The following UGT8 variants were observed in gnomAD, a reference collection of about 807,000 sequenced individuals.
UGT8 encodes 2-hydroxyacylsphingosine 1-beta-galactosyltransferase.
Under a neutral mutation model 40.5 loss-of-function variants are expected in UGT8, and 12 were observed. The ratio of observed to expected loss-of-function variants is 0.30; its 90% CI spans 0.19 to 0.48. UGT8 has a LOEUF of 0.48. Among genes scored for constraint, UGT8 ranks in the 20% least tolerant of loss-of-function variants. UGT8 has a pLI of 0.99. For synonymous variants in UGT8, 224 were observed against 240.4 expected (o/e 0.93, Z 0.63); for missense variants, 513 against 648.7 (o/e 0.79, Z 2.27).
At chr4:114,675,065 A>G (rs2126141602) in intron 5 of UGT8, among the ~76,000 whole-genome samples, 1 of 152,350 alleles carries the variant, frequency 6.6e-6, no homozygotes, top group East Asian at 1.9e-4. Context: ...TATACTGCAT[A>G]TAACATCAAA....
At chr4:114,666,612 G>C (rs952042089) in intron 4 of UGT8, among the ~76,000 whole-genome samples, 8 of 152,148 alleles carry the variant, frequency 5.3e-5, no homozygotes, top group African/African-American at 1.9e-4. Flanking sequence ...TAGGAAAGAA[G>C]CAGGAAGTTT....
At chr4:114,607,587 A>G (rs1251496927) in intron 1 of UGT8, among the ~76,000 whole-genome samples, 1 of 152,110 alleles carries the variant, frequency 6.6e-6, no homozygotes, top group African/African-American at 2.4e-5. Context: ...TTATTTATAT[A>G]TAGATGATTC....
At chr4:114,672,318 G>A (rs1672924798) in intron 5 of UGT8, among the ~76,000 whole-genome samples, 3 of 152,092 alleles carry the variant, frequency 2.0e-5, no homozygotes, top group African/African-American at 7.2e-5. Context: ...CCCAGTACTG[G>A]GTATATACTC....
intron 1 of UGT8, among the ~76,000 whole-genome samples, chr4:114,604,119 G>C (rs911141401): frequency 1.3e-5 from 2 of 152,106 alleles, no homozygotes; most frequent in Non-Finnish European, 2.9e-5. Flanking sequence ...CCATGCTTCC[G>C]CCAGTCAGGA....
intron 1 of UGT8, among the ~76,000 whole-genome samples, chr4:114,617,377 A>T (rs190083754): frequency 2.0e-5 from 3 of 152,324 alleles, no homozygotes; most frequent in Admixed American, 2.0e-4. Flanking sequence ...ATTCACACTG[A>T]AATGTTAAAT....
At chr4:114,651,929 G>C (rs1253511345) in intron 2 of UGT8, among the ~76,000 whole-genome samples, 1 of 151,882 alleles carries the variant, frequency 6.6e-6, no homozygotes, top group Non-Finnish European at 1.5e-5. Context: ...GATGACTATT[G>C]AGTGTACACA....
At chr4:114,667,391 C>G (rs146431151) in intron 4 of UGT8, among the ~76,000 whole-genome samples, 1 of 152,218 alleles carries the variant, frequency 6.6e-6, no homozygotes, top group Non-Finnish European at 1.5e-5. Flanking sequence ...AGGCCATTTA[C>G]CAGGAGAGTA....
Position 114,606,152 on chromosome 4 carries a change from C to T in UGT8, c.-3+7178C>T, listed in dbSNP as rs532149435. 1.1e-4 allele frequency among the ~76,000 whole-genome samples: 16 copies of T among 152,268 alleles called. No individual in the cohort carries two copies. The South Asian group carries it at 3.3e-3, about 31-fold the overall frequency. ...TAACACATCTTGAATATAGTCTCAT[C>T]TGTTGGAATTTTTTAAACTTCTACA... On this transcript the variant is annotated intron_variant, in intron 1 of 5. Coordinates refer to ENST00000310836, the MANE Select transcript of UGT8 (RefSeq NM_001128174.3).
intron 5 of UGT8, among the ~76,000 whole-genome samples, chr4:114,675,470 G>A (rs552974200): frequency 5.9e-5 from 9 of 152,184 alleles, no homozygotes; most frequent in Non-Finnish European, 1.2e-4. Context: ...GCCGGGCGCG[G>A]TGGCTCACGC....
intron 2 of UGT8, among the ~76,000 whole-genome samples, chr4:114,647,657 G>A (rs371373456): frequency 4.6e-4 from 70 of 152,170 alleles, no homozygotes; most frequent in African/African-American, 1.6e-3. Flanking sequence ...TGAGCCACCA[G>A]AATTAGCTCT....
At position 114,623,018 on chromosome 4, in the gene UGT8, C is replaced by G. The variant is rs768880144; in HGVS notation, c.138C>G (p.His46Gln). Reference protein sequence around the residue: ...YIFKTLASALHERGHHTVFLL... With the variant: ...YIFKTLASALQERGHHTVFLL... ...TCAAGACGCTAGCCTCAGCCTTGCA[C>G]GAGAGAGGCCACCATACAGTGTTCC... The change falls in exon 2 of 6, where the codon CAC becomes CAG. Residue 46 changes from histidine (H) to glutamine (Q), a missense_variant. By Grantham distance (24) the His-to-Gln change is conservative (BLOSUM62 0). Around this residue, in one of 3 missense-constraint regions of UGT8, gnomAD observed 335 missense variants for 444.8 expected, o/e 0.75. Coordinates refer to ENST00000310836, the MANE Select transcript of UGT8 (RefSeq NM_001128174.3). 44 of 1,613,932 alleles carry G rather than the reference C, an allele frequency of 2.7e-5. No individual in the cohort carries two copies. Among genetic ancestry groups the G allele is most frequent in the Non-Finnish European group, 3.4e-5 (40 of 1,180,000 alleles).
At chr4:114,653,009 A>G (rs1356987261) in intron 2 of UGT8, among the ~76,000 whole-genome samples, 1 of 152,068 alleles carries the variant, frequency 6.6e-6, no homozygotes, top group Non-Finnish European at 1.5e-5. Context: ...TGAGATGACC[A>G]AGCCACTCAT....
At chr4:114,629,858 C>CA (rs1732464327) in intron 2 of UGT8, among the ~76,000 whole-genome samples, 1 of 152,162 alleles carries the variant, frequency 6.6e-6, no homozygotes, top group South Asian at 2.1e-4. Context: ...TTAACTCCAG[C>CA]ACACATTGTT....
At chr4:114,598,711 G>T (rs1464859016), upstream of UGT8, 1 of 10,814 alleles carries the variant, frequency 9.2e-5, no homozygotes, top group African/African-American at 1.3e-4. Flanking sequence ...GCTGGGGGGC[G>T]GGGGGCCTGG....
At chr4:114,664,548 C>T (rs1178419541) in intron 3 of UGT8, among the ~76,000 whole-genome samples, 2 of 152,154 alleles carry the variant, frequency 1.3e-5, no homozygotes, top group African/African-American at 4.8e-5. Context: ...ACCTAAAATA[C>T]CGTGGACTCT....
intron 5 of UGT8, among the ~76,000 whole-genome samples, chr4:114,672,319 G>T (rs1238164742): frequency 6.6e-6 from 1 of 152,126 alleles, no homozygotes; most frequent in Non-Finnish European, 1.5e-5. Flanking sequence ...CCAGTACTGG[G>T]TATATACTCA....
At chr4:114,635,691 T>TA (rs994319751) in intron 2 of UGT8, among the ~76,000 whole-genome samples, 17 of 152,244 alleles carry the variant, frequency 1.1e-4, no homozygotes, top group Admixed American at 2.0e-4. Context: ...TCCCCCCTCA[T>TA]AAAAAAGATC....
chr4:114,627,255 C>CTTTTTT (rs199675716), intron 2 of UGT8, among the ~76,000 whole-genome samples: 1 of 126,802 alleles, frequency 7.9e-6, no homozygotes. Flanking sequence ...TGAATAGATT[C>CTTTTTT]TTTTTTTTTT....
intron 1 of UGT8, among the ~76,000 whole-genome samples, chr4:114,613,899 G>T (rs1731234098): frequency 6.6e-6 from 1 of 152,128 alleles, no homozygotes; most frequent in African/African-American, 2.4e-5. Flanking sequence ...TTATATCTTT[G>T]TGTTTTAAAT....
Sources: allele counts gnomAD v4.1 joint callset (sites outside exome capture counted in the v4.1 genomes callset), GRCh38; gene constraint gnomAD v4.1.1; regional missense constraint gnomAD v4.1.1; transcripts MANE v1.5; gene names NCBI Gene and HGNC (gene_info 2026-07-23, HGNC 2026-07-21).